Variants in BBS4 observed in about 807,000 individuals in gnomAD.
The protein encoded by BBS4 is Bardet-Biedl syndrome 4, also known as BBSome complex member BBS4.
BBS4 carries 58 observed loss-of-function variants against 71.4 expected under a neutral mutation model. The ratio of observed to expected loss-of-function variants is 0.81; its 90% CI spans 0.66 to 1.01. The LOEUF (loss-of-function observed/expected upper bound fraction) is 1.01. Among genes scored for constraint, BBS4 ranks in the 50% least tolerant of loss-of-function variants. The probability of loss-of-function intolerance (pLI) is 0.00; values close to 1 mark genes in which losing one functional copy is unlikely to be tolerated. For missense variants in BBS4, 660 were observed against 607.9 expected (o/e 1.09, Z -0.90); for synonymous variants, 228 against 216.8 (o/e 1.05, Z -0.46).
chr15:72,697,235 A>G (rs562028499), intron 2 of BBS4, among the ~76,000 whole-genome samples: 28 of 152,322 alleles, frequency 1.8e-4, no homozygotes, highest in Non-Finnish European at 3.5e-4. Flanking sequence ...ATCCAGCCCA[A>G]TATAGGGAGG....
At chr15:72,688,458 G>T (rs1427687727) in intron 1 of BBS4, among the ~76,000 whole-genome samples, 1 of 114,272 alleles carries the variant, frequency 8.8e-6, no homozygotes, top group Middle Eastern at 8.5e-3. Context: ...TTGTCGCCCT[G>T]TCTGGAGTGC....
At chr15:72,731,773 G>A in intron 12 of BBS4, 47 bp downstream of exon 12, 2 of 1,605,538 alleles carry the variant, frequency 1.2e-6, no homozygotes, top group Non-Finnish European at 1.7e-6. Flanking sequence ...CTGTAATGAG[G>A]GAAAAATGGA....
At chr15:72,692,429 C>T (rs1405323342) in intron 1 of BBS4, among the ~76,000 whole-genome samples, 2 of 150,352 alleles carry the variant, frequency 1.3e-5, no homozygotes, top group African/African-American at 4.9e-5. Context: ...GATCCTTCCA[C>T]CTCAGCCTCC....
intron 10 of BBS4, among the ~76,000 whole-genome samples, chr15:72,730,309 T>A (rs370767759): frequency 1.4e-5 from 2 of 145,930 alleles, no homozygotes; most frequent in African/African-American, 2.6e-5. Context: ...ATAAAAAAAA[T>A]AAATCTGCTG....
chr15:72,713,293 T>A (rs2065407721), intron 4 of BBS4, among the ~76,000 whole-genome samples: 1 of 150,942 alleles, frequency 6.6e-6, no homozygotes, highest in Admixed American at 6.6e-5. Flanking sequence ...CAGAGCTTTG[T>A]GACCCATCTA....
rs2065912008 is a variant in BBS4 at position 72,735,862 on chromosome 15, C to T, written c.1144C>T (p.Leu382=). 1 of 1,614,144 alleles carries T rather than the reference C, an allele frequency of 6.2e-7. No individual in the cohort carries two copies. Among genetic ancestry groups the T allele is most frequent in the African/African-American group, 1.3e-5 (1 of 75,030 alleles). Reference sequence around the variant, plus strand: ...AGTAAACCTGAACTATGCTGTGCTGCTGTACAACCAGGGCGAGAAGAAGAA... The same window carrying T: ...AGTAAACCTGAACTATGCTGTGCTGTTGTACAACCAGGGCGAGAAGAAGAA... ...PLVNLNYAVL[L]YNQGEKKNAL... The change falls in exon 14 of 16, where the codon CTG becomes TTG. Residue 382 remains leucine, a synonymous_variant. Coordinates refer to ENST00000268057, the MANE Select transcript of BBS4 (RefSeq NM_033028.5).
chr15:72,704,380 T>C, intron 2 of BBS4: 1 of 1,154,476 alleles, frequency 8.7e-7, no homozygotes, highest in Non-Finnish European at 1.2e-6. Flanking sequence ...GTAATTCTCA[T>C]AATACCTGTG....
At chr15:72,733,170 T>C (rs776361249) in intron 12 of BBS4, among the ~76,000 whole-genome samples, 39 of 152,076 alleles carry the variant, frequency 2.6e-4, no homozygotes, top group Non-Finnish European at 5.1e-4. Flanking sequence ...ATAAAAAGGC[T>C]AAAGTGGGGT....
chr15:72,696,148 G>A (rs2150998569), intron 2 of BBS4, among the ~76,000 whole-genome samples: 1 of 152,224 alleles, frequency 6.6e-6, no homozygotes, highest in South Asian at 2.1e-4. Flanking sequence ...TTTTTGATTT[G>A]TGTATTTTGA....
intron 6 of BBS4, among the ~76,000 whole-genome samples, chr15:72,721,495 C>T (rs1198694843): frequency 6.6e-6 from 1 of 152,154 alleles, no homozygotes; most frequent in African/African-American, 2.4e-5. Context: ...TCCCAATACT[C>T]TCTGTCTTAA....
intron 7 of BBS4, among the ~76,000 whole-genome samples, chr15:72,724,263 A>G (rs1020950390): frequency 2.6e-5 from 4 of 152,202 alleles, no homozygotes; most frequent in South Asian, 2.1e-4. Flanking sequence ...ATAGGTGTGA[A>G]TATCAGGCAG....
intron 6 of BBS4, among the ~76,000 whole-genome samples, chr15:72,719,354 A>G (rs1267499761): frequency 6.6e-6 from 1 of 151,650 alleles, no homozygotes; most frequent in Non-Finnish European, 1.5e-5. Context: ...TCCTGGGCTC[A>G]AGTGATCCTC....
At chr15:72,708,027 C>T (rs561160792) in intron 2 of BBS4, among the ~76,000 whole-genome samples, 3 of 151,106 alleles carry the variant, frequency 2.0e-5, no homozygotes, top group African/African-American at 4.9e-5. Context: ...AGTGCAGTGG[C>T]GCGATCTCGG....
At chr15:72,731,516 A>G in intron 11 of BBS4, 39 bp from the exon 12 acceptor site, 1 of 1,614,226 alleles carries the variant, frequency 6.2e-7, no homozygotes, top group East Asian at 2.2e-5. Context: ...GGGTCTGTTT[A>G]GCTTGCCCTT....
Position 72,738,060 on chromosome 15 carries a change from G to T in BBS4, c.*473G>T. On this transcript the variant is annotated 3_prime_UTR_variant, in exon 16 of 16. Transcript: ENST00000268057. ...GTCCCCAAGGCAAACACAAATATTA[G>T]ATTAATAATCCAACTTTAATAGTAT... The T allele has an allele frequency of 2.2e-6, 1 of 453,958 alleles. No homozygotes were observed. The highest frequency in any genetic ancestry group is 4.4e-6 in the Non-Finnish European group (1 of 226,774). The allele number at this position is 453,958 out of a possible 1,614,324, so 28.1% of individuals were successfully genotyped here.
intron 1 of BBS4, among the ~76,000 whole-genome samples, chr15:72,687,934 GAA>G (rs778275825): frequency 4.1e-5 from 5 of 120,752 alleles, no homozygotes; most frequent in African/African-American, 1.2e-4. Flanking sequence ...CTCCGTCTCA[GAA>G]AAAAAAAAAA....
intron 4 of BBS4, among the ~76,000 whole-genome samples, chr15:72,714,454 G>A (rs2065433465): frequency 6.6e-6 from 1 of 152,050 alleles, no homozygotes; most frequent in Non-Finnish European, 1.5e-5. Context: ...TCGAACTCCT[G>A]ACCTCAGGTG....
chr15:72,738,320 T>C lies in BBS4; in HGVS notation c.*733T>C, dbSNP rs1293812428. 2 of 454,100 alleles carry C rather than the reference T, an allele frequency of 4.4e-6. No individual in the cohort carries two copies. The highest frequency in any genetic ancestry group is 6.9e-5 in the East Asian group (1 of 14,394). The allele number at this position is 454,100 out of a possible 1,614,324, so 28.1% of individuals were successfully genotyped here. A position where few individuals can be genotyped will look rare whatever the true frequency, so the allele number is the denominator to read the frequency against. On this transcript the variant is annotated 3_prime_UTR_variant, in exon 16 of 16. Transcript: ENST00000268057. ...GAAGAGTTTCTTAGATGAGTAATTGTTATTGAAGATAGTCAGTGATAACCA... is the reference window on the plus strand; with the variant it reads ...GAAGAGTTTCTTAGATGAGTAATTGCTATTGAAGATAGTCAGTGATAACCA...
chr15:72,728,200 A>T (rs192037509), intron 9 of BBS4, among the ~76,000 whole-genome samples: 44 of 152,296 alleles, frequency 2.9e-4, no homozygotes, highest in Middle Eastern at 3.4e-3. Context: ...AGCCTAGTGC[A>T]ATTATAATTC....
Sources: gnomAD v4.1 joint callset for allele counts (sites outside exome capture counted in the v4.1 genomes callset) on GRCh38, gnomAD v4.1.1 for gene constraint, MANE v1.5 for transcripts, NCBI Gene and HGNC (gene_info 2026-07-23, HGNC 2026-07-21) for gene names.